CNTN5: variants seen among roughly 807,000 people sequenced by gnomAD.
The protein encoded by CNTN5 is contactin 5.
Under a neutral mutation model 129.1 loss-of-function variants are expected in CNTN5, and 77 were observed. That is an observed-to-expected ratio of 0.60 (90% CI 0.50 to 0.72). The LOEUF is 0.72. CNTN5 is among the 30% of genes least tolerant of loss of function. CNTN5 has a pLI of 0.00. For synonymous variants in CNTN5, 509 were observed against 465.6 expected, an observed-to-expected ratio of 1.09 and a Z score of -1.20; for missense variants, 1,478 against 1,328.8, an observed-to-expected ratio of 1.11 and a Z score of -1.75.
chr11:99,494,543 G>A (rs2135361829), intron 2 of CNTN5, among the ~76,000 whole-genome samples: 1 of 152,264 alleles, frequency 6.6e-6, no homozygotes, highest in African/African-American at 2.4e-5. Flanking sequence ...GGAAGCTGAT[G>A]TAACTTTAAT....
At chr11:99,376,917 T>A (rs933293217) in intron 2 of CNTN5, among the ~76,000 whole-genome samples, 1 of 152,186 alleles carries the variant, frequency 6.6e-6, no homozygotes, top group Non-Finnish European at 1.5e-5. Flanking sequence ...AGAATTCGAT[T>A]TATTAACTTT....
chr11:99,460,582 G>C (rs949936428), intron 2 of CNTN5, among the ~76,000 whole-genome samples: 3 of 151,952 alleles, frequency 2.0e-5, no homozygotes, highest in African/African-American at 7.2e-5. Context: ...AAGATATTGA[G>C]AAAGAAGAAT....
At chr11:99,990,689 G>A (rs1180624464) in intron 8 of CNTN5, among the ~76,000 whole-genome samples, 2 of 151,494 alleles carry the variant, frequency 1.3e-5, no homozygotes, top group Non-Finnish European at 1.5e-5. Context: ...CACTTTTTGA[G>A]GTGAGAAAAA....
At chr11:99,338,295 A>T (rs776333854) in intron 2 of CNTN5, among the ~76,000 whole-genome samples, 4 of 152,236 alleles carry the variant, frequency 2.6e-5, no homozygotes, top group Non-Finnish European at 5.9e-5. Context: ...TTCTTTCATA[A>T]AACTGCTTTT....
intron 2 of CNTN5, among the ~76,000 whole-genome samples, chr11:99,510,929 C>T (rs1043746648): frequency 5.3e-5 from 8 of 152,044 alleles, no homozygotes; most frequent in African/African-American, 1.7e-4. Context: ...GAGATGACAG[C>T]TTCGTGCATC....
At chr11:99,608,878 G>A (rs961464586) in intron 3 of CNTN5, among the ~76,000 whole-genome samples, 4 of 152,288 alleles carry the variant, frequency 2.6e-5, no homozygotes, top group South Asian at 2.1e-4. Flanking sequence ...TGTTCATTAA[G>A]TGGCGATCAT....
chr11:99,743,269 A>T (rs1262711282), intron 3 of CNTN5, among the ~76,000 whole-genome samples: 3 of 152,168 alleles, frequency 2.0e-5, no homozygotes, highest in Non-Finnish European at 4.4e-5. Context: ...CTTCATACAC[A>T]TTTTTTGTTT....
At chr11:99,558,604 A>G (rs1591277754) in intron 3 of CNTN5, among the ~76,000 whole-genome samples, 1 of 152,144 alleles carries the variant, frequency 6.6e-6, no homozygotes, top group Non-Finnish European at 1.5e-5. Flanking sequence ...GAGCTATTAT[A>G]CAGTGGTTGT....
chr11:100,302,483 A>G (rs1253971373), intron 20 of CNTN5, among the ~76,000 whole-genome samples: 1 of 151,660 alleles, frequency 6.6e-6, no homozygotes, highest in African/African-American at 2.4e-5. Context: ...TCTTAGATAC[A>G]GTAAAGAACA....
chr11:100,308,644 G>C (rs1951407831), intron 21 of CNTN5, 176 bp downstream of exon 21: 3 of 1,305,576 alleles, frequency 2.3e-6, no homozygotes, highest in South Asian at 2.2e-5. Context: ...CTCATTAACT[G>C]GTTTATTTTT....
chr11:99,367,920 G>C (rs942689808), intron 2 of CNTN5, among the ~76,000 whole-genome samples: 15 of 152,050 alleles, frequency 9.9e-5, no homozygotes, highest in African/African-American at 3.6e-4. Context: ...TAATGGACTT[G>C]GCTTTTTGTT....
chr11:100,142,118 C>T (rs1946715099), intron 13 of CNTN5, among the ~76,000 whole-genome samples: 1 of 152,134 alleles, frequency 6.6e-6, no homozygotes, highest in Non-Finnish European at 1.5e-5. Context: ...CCCAAGTTCT[C>T]AGGCTTTCCC....
intron 6 of CNTN5, among the ~76,000 whole-genome samples, chr11:99,863,137 A>G (rs1948259327): frequency 6.6e-6 from 1 of 152,124 alleles, no homozygotes; most frequent in Non-Finnish European, 1.5e-5. Flanking sequence ...TATCTATCCT[A>G]TTTATGGCCT....
intron 2 of CNTN5, among the ~76,000 whole-genome samples, chr11:99,550,015 G>A (rs764608527): frequency 2.0e-5 from 3 of 151,924 alleles, no homozygotes; most frequent in African/African-American, 7.3e-5. Context: ...CCTATTCCAC[G>A]CAGGTTTTGT....
At chr11:99,042,616 C>G (rs1864044176) in intron 1 of CNTN5, among the ~76,000 whole-genome samples, 1 of 151,988 alleles carries the variant, frequency 6.6e-6, no homozygotes, top group South Asian at 2.1e-4. Context: ...ACCTTGTGAT[C>G]TGCCTGTCTC....
At chr11:99,855,522 A>G (rs1236433129) in intron 6 of CNTN5, among the ~76,000 whole-genome samples, 1 of 152,164 alleles carries the variant, frequency 6.6e-6, no homozygotes, top group African/African-American at 2.4e-5. Context: ...AGGAATGAAG[A>G]TGTGAACAAC....
chr11:99,826,869 GTCTC>G (rs1946976278), intron 4 of CNTN5, among the ~76,000 whole-genome samples: 1 of 152,102 alleles, frequency 6.6e-6, no homozygotes, highest in South Asian at 2.1e-4. Context: ...TAATAATAAA[GTCTC>G]TCTCATGGGA....
intron 2 of CNTN5, among the ~76,000 whole-genome samples, chr11:99,428,452 T>C (rs999967142): frequency 1.3e-5 from 2 of 151,088 alleles, no homozygotes; most frequent in Non-Finnish European, 2.9e-5. Flanking sequence ...TCCCACCTAT[T>C]TGGGAGGTTA....
intron 3 of CNTN5, among the ~76,000 whole-genome samples, chr11:99,705,963 A>T (rs1037830542): frequency 6.6e-6 from 1 of 151,450 alleles, no homozygotes; most frequent in Admixed American, 6.6e-5. Flanking sequence ...AAGCTGAACC[A>T]TCACCAGGGT....
Sources: allele counts gnomAD v4.1 joint callset (sites outside exome capture counted in the v4.1 genomes callset), GRCh38; gene constraint gnomAD v4.1.1; transcripts MANE v1.5; gene names NCBI Gene and HGNC (gene_info 2026-07-23, HGNC 2026-07-21).